Variants in OSBPL10 observed in about 807,000 individuals in gnomAD.
The protein encoded by OSBPL10 is oxysterol binding protein like 10, also known as oxysterol-binding protein-related protein 10.
In OSBPL10, 49 loss-of-function variants were observed where a neutral mutation model predicts 81.7. The ratio of observed to expected loss-of-function variants is 0.60; its 90% CI spans 0.48 to 0.76. The LOEUF is 0.76. Ranked by LOEUF, OSBPL10 falls within the 30% of genes least tolerant of loss-of-function variation. OSBPL10 has a pLI of 0.00. For synonymous variants in OSBPL10, 419 were observed against 383.6 expected (o/e 1.09, Z -1.08); for missense variants, 923 against 987.8 (o/e 0.93, Z 0.88).
chr3:31,680,307 G>A (rs185814128), intron 8 of OSBPL10, among the ~76,000 whole-genome samples: 1 of 152,284 alleles, frequency 6.6e-6, no homozygotes, highest in African/African-American at 2.4e-5. Flanking sequence ...CCCACCGCCT[G>A]CTGCTCAACC....
At chr3:32,028,188 T>C (rs1236016818) in intron 2 of OSBPL10, among the ~76,000 whole-genome samples, 1 of 152,224 alleles carries the variant, frequency 6.6e-6, no homozygotes, top group Non-Finnish European at 1.5e-5. Flanking sequence ...TAGATATAAA[T>C]GTATGTGTTA....
At chr3:31,999,938 A>C (rs561740478) in intron 2 of OSBPL10, among the ~76,000 whole-genome samples, 2 of 152,314 alleles carry the variant, frequency 1.3e-5, no homozygotes, top group African/African-American at 4.8e-5. Context: ...CAAAATGTTC[A>C]TAAGAGCCTC....
In OSBPL10 at chr3:31,818,398, C is replaced by T. The variant is rs977979865; in HGVS notation, c.729+11642G>A. Among the ~76,000 whole-genome samples the T allele has an allele frequency of 1.0e-3, 159 of 152,164 alleles. 7 individuals carry two copies. Among genetic ancestry groups the T allele is most frequent in the Non-Finnish European group, 3.5e-4 (24 of 68,030 alleles). ...TTGAAGTTGCCAGCCTCCCAAATTC[C>T]GCGAACCAATTCCTTAAAACAAACT... On this transcript the variant is annotated intron_variant, in intron 4 of 11. Coordinates refer to ENST00000396556, the MANE Select transcript of OSBPL10 (RefSeq NM_017784.5).
intron 6 of OSBPL10, among the ~76,000 whole-genome samples, chr3:31,706,851 C>T (rs1361219166): frequency 1.3e-5 from 2 of 152,290 alleles, no homozygotes; most frequent in East Asian, 3.9e-4. Flanking sequence ...ACTCATTTCC[C>T]TGTCACAGGC....
intron 1 of OSBPL10, among the ~76,000 whole-genome samples, chr3:31,902,258 ATTTTTTTTTTT>A (rs574112153): frequency 5.9e-5 from 7 of 117,958 alleles, no homozygotes; most frequent in African/African-American, 2.0e-4. Flanking sequence ...TCTTGTCAGT[ATTTTTTTTTTT>A]TTTTTTTTTT....
intron 7 of OSBPL10, among the ~76,000 whole-genome samples, chr3:31,698,664 C>G (rs1412724551): frequency 6.6e-6 from 1 of 152,070 alleles, no homozygotes; most frequent in East Asian, 1.9e-4. Context: ...TGCCCAAATG[C>G]CAAACAAGGT....
At chr3:32,076,308 T>C (rs1405925361) in intron 1 of OSBPL10, among the ~76,000 whole-genome samples, 2 of 151,082 alleles carry the variant, frequency 1.3e-5, no homozygotes, top group African/African-American at 4.9e-5. Flanking sequence ...GCAGAGCTTG[T>C]AGTGAGCAGA....
intron 1 of OSBPL10, among the ~76,000 whole-genome samples, chr3:32,048,755 C>T (rs551109722): frequency 2.0e-5 from 3 of 152,206 alleles, no homozygotes; most frequent in East Asian, 3.9e-4. Context: ...AAGGCTGAGA[C>T]CTATAATCCC....
intron 1 of OSBPL10, among the ~76,000 whole-genome samples, chr3:31,957,208 T>A (rs2125455714): frequency 6.6e-6 from 1 of 152,214 alleles, no homozygotes; most frequent in African/African-American, 2.4e-5. Flanking sequence ...AAGGCAGAAC[T>A]TTTTGTTTTT....
At chr3:31,830,441 C>G (rs142534130) in intron 3 of OSBPL10, among the ~76,000 whole-genome samples, 3 of 152,300 alleles carry the variant, frequency 2.0e-5, no homozygotes, top group African/African-American at 7.2e-5. Flanking sequence ...GTTTCATCTC[C>G]AATTGTGCTT....
At chr3:31,829,958 A>G in intron 4 of OSBPL10, 82 bp downstream of exon 4, 1 of 1,372,084 alleles carries the variant, frequency 7.3e-7, no homozygotes, top group Non-Finnish European at 9.8e-7. Flanking sequence ...AAGACGGCGC[A>G]AAGGAAGAGG....
chr3:31,688,283 TCACACACACACACA>T lies in OSBPL10; in HGVS notation c.1246-4183_1246-4170del, dbSNP rs55643097. Among the ~76,000 whole-genome samples the T allele has an allele frequency of 1.3e-4, 15 of 115,486 alleles. No individual in the cohort carries two copies. The East Asian group carries it at 2.3e-3, about 17-fold the overall frequency. The allele number at this position is 115,486 out of a possible 152,430, so 75.8% of individuals were successfully genotyped here. ...CTGCACAAATCTCTCTCTCTCTCTC[TCACACACACACACA>T]CACACACACACACACACACACACAC... On this transcript the variant is annotated intron_variant, in intron 7 of 11. Coordinates refer to ENST00000396556, the MANE Select transcript of OSBPL10 (RefSeq NM_017784.5).
At chr3:31,896,538 C>T (rs1461111685) in intron 1 of OSBPL10, among the ~76,000 whole-genome samples, 10 of 152,292 alleles carry the variant, frequency 6.6e-5, no homozygotes, top group Non-Finnish European at 1.0e-4. Context: ...AGCAGAGAGC[C>T]GTGCAGAGCA....
intron 1 of OSBPL10, among the ~76,000 whole-genome samples, chr3:31,974,179 G>A (rs1307135578): frequency 3.9e-5 from 6 of 152,190 alleles, no homozygotes; most frequent in South Asian, 2.1e-4. Context: ...CGATTAATAC[G>A]TGAAAACATG....
chr3:31,751,224 T>A (rs888653918), intron 4 of OSBPL10, among the ~76,000 whole-genome samples: 2 of 152,086 alleles, frequency 1.3e-5, no homozygotes, highest in Non-Finnish European at 2.9e-5. Flanking sequence ...GTGGTGCACC[T>A]GTGGTCCTAG....
chr3:31,727,768 AC>A (rs1441715702), intron 6 of OSBPL10, among the ~76,000 whole-genome samples: 1 of 152,198 alleles, frequency 6.6e-6, no homozygotes, highest in African/African-American at 2.4e-5. Context: ...AAAATCTATC[AC>A]CATCCCACAC....
intron 3 of OSBPL10, among the ~76,000 whole-genome samples, chr3:31,855,928 T>C (rs937959276): frequency 3.9e-5 from 6 of 151,998 alleles, no homozygotes; most frequent in Admixed American, 6.6e-5. Flanking sequence ...TCAAGTATTG[T>C]AGAAAAAAGC....
chr3:31,706,167 G>A (rs372736937), intron 6 of OSBPL10, among the ~76,000 whole-genome samples: 3 of 152,148 alleles, frequency 2.0e-5, no homozygotes, highest in Admixed American at 6.5e-5. Flanking sequence ...AACGATAAGC[G>A]AAAAATCAAT....
At chr3:31,760,887 G>T (rs1253462208) in intron 4 of OSBPL10, among the ~76,000 whole-genome samples, 1 of 152,000 alleles carries the variant, frequency 6.6e-6, no homozygotes, top group African/African-American at 2.4e-5. Context: ...GACGGATTAC[G>T]GTTCAACAAA....
Sources: allele counts gnomAD v4.1 joint callset (sites outside exome capture counted in the v4.1 genomes callset), GRCh38; gene constraint gnomAD v4.1.1; transcripts MANE v1.5; gene names NCBI Gene and HGNC (gene_info 2026-07-23, HGNC 2026-07-21).